CACNA2D3: variants seen among roughly 807,000 people sequenced by gnomAD.
The protein encoded by CACNA2D3 is calcium voltage-gated channel auxiliary subunit alpha2delta 3, also known as voltage-dependent calcium channel subunit alpha-2/delta-3.
A neutral mutation model predicts 160.6 loss-of-function variants in CACNA2D3; 60 were observed. The observed-to-expected ratio is 0.37, with a 90% CI of 0.30 to 0.46. CACNA2D3 has a LOEUF of 0.46. CACNA2D3 is among the 20% of genes least tolerant of loss of function. The pLI is 1.00. For missense variants in CACNA2D3, 1,205 were observed against 1,365.0 expected, an observed-to-expected ratio of 0.88 and a Z score of 1.85; for synonymous variants, 558 against 492.9, an observed-to-expected ratio of 1.13 and a Z score of -1.75.
chr3:54,922,076 C>T (rs897888346), intron 27 of CACNA2D3, among the ~76,000 whole-genome samples: 6 of 152,088 alleles, frequency 3.9e-5, no homozygotes, highest in Non-Finnish European at 8.8e-5. Context: ...TGCCTTCCTC[C>T]GAAGAAAAGC....
At chr3:55,068,910 TATA>T (rs1486250588) in intron 35 of CACNA2D3, among the ~76,000 whole-genome samples, 8 of 152,228 alleles carry the variant, frequency 5.3e-5, no homozygotes, top group Admixed American at 3.9e-4. Flanking sequence ...AGATTTCCAC[TATA>T]ATAATAACAA....
chr3:54,873,663 T>TC (rs1215151714), intron 18 of CACNA2D3, among the ~76,000 whole-genome samples: 10 of 152,308 alleles, frequency 6.6e-5, no homozygotes, highest in Admixed American at 2.6e-4. Context: ...GTTCTGTCTG[T>TC]CCAACTTCAG....
intron 14 of CACNA2D3, among the ~76,000 whole-genome samples, chr3:54,829,258 G>A (rs558792562): frequency 6.6e-5 from 10 of 152,156 alleles, no homozygotes; most frequent in Non-Finnish European, 1.2e-4. Context: ...TACTGGGGGT[G>A]TGTCTCCAGA....
chr3:54,698,469 G>A (rs1700705190), intron 11 of CACNA2D3, among the ~76,000 whole-genome samples: 1 of 152,148 alleles, frequency 6.6e-6, no homozygotes. Flanking sequence ...CTTGCCTTAG[G>A]AAAACATAAG....
chr3:54,414,850 T>G (rs1322602033), intron 4 of CACNA2D3, among the ~76,000 whole-genome samples: 4 of 151,842 alleles, frequency 2.6e-5, no homozygotes, highest in Non-Finnish European at 4.4e-5. Flanking sequence ...CTGGGGATAT[T>G]TATTTTAAAT....
chr3:54,290,584 A>G (rs923769446), intron 2 of CACNA2D3, among the ~76,000 whole-genome samples: 2 of 150,632 alleles, frequency 1.3e-5, no homozygotes, highest in Non-Finnish European at 2.9e-5. Flanking sequence ...ACTATAAATC[A>G]TGCTGCTGTA....
intron 29 of CACNA2D3, among the ~76,000 whole-genome samples, chr3:54,971,349 CAAT>C (rs1702273245): frequency 1.3e-5 from 2 of 152,148 alleles, no homozygotes; most frequent in Non-Finnish European, 2.9e-5. Context: ...CAACACAACT[CAAT>C]AGTAGTAGTG....
At chr3:54,745,077 A>G (rs1575453809) in intron 11 of CACNA2D3, among the ~76,000 whole-genome samples, 1 of 152,244 alleles carries the variant, frequency 6.6e-6, no homozygotes. Flanking sequence ...GAAGAAGTAT[A>G]TTGTATCCAT....
intron 4 of CACNA2D3, among the ~76,000 whole-genome samples, chr3:54,401,883 A>G (rs1699472873): frequency 6.6e-6 from 1 of 152,204 alleles, no homozygotes; most frequent in African/African-American, 2.4e-5. Flanking sequence ...AATCGTATAT[A>G]TCTCTAGTAT....
At chr3:54,758,318 A>G (rs1472331992) in intron 12 of CACNA2D3, among the ~76,000 whole-genome samples, 1 of 152,076 alleles carries the variant, frequency 6.6e-6, no homozygotes, top group African/African-American at 2.4e-5. Flanking sequence ...AAATGTAGTC[A>G]TAGTCACAAA....
chr3:54,985,387 A>G (rs1702592690), intron 30 of CACNA2D3, among the ~76,000 whole-genome samples: 1 of 152,252 alleles, frequency 6.6e-6, no homozygotes, highest in Non-Finnish European at 1.5e-5. Flanking sequence ...TTTCTGCATT[A>G]AAACTTTTCC....
At chr3:54,276,621 G>A (rs1223162064) in intron 2 of CACNA2D3, among the ~76,000 whole-genome samples, 2 of 151,596 alleles carry the variant, frequency 1.3e-5, no homozygotes, top group African/African-American at 2.4e-5. Flanking sequence ...CCATTAGAGA[G>A]AGTCCATGCT....
At chr3:54,129,714 A>G (rs896347647) in intron 2 of CACNA2D3, among the ~76,000 whole-genome samples, 4 of 152,248 alleles carry the variant, frequency 2.6e-5, no homozygotes, top group Non-Finnish European at 4.4e-5. Context: ...GGGTAAGGCT[A>G]TAAATGCTGT....
At chr3:54,152,145 A>G (rs574331628) in intron 2 of CACNA2D3, among the ~76,000 whole-genome samples, 67 of 152,336 alleles carry the variant, frequency 4.4e-4, no homozygotes, top group Middle Eastern at 3.4e-3. Context: ...CTCTTGGGAC[A>G]CTGAGCTCCT....
At chr3:54,880,910 C>T (rs1699781348) in intron 21 of CACNA2D3, 47 bp downstream of exon 21, 1 of 1,529,716 alleles carries the variant, frequency 6.5e-7, no homozygotes, top group Non-Finnish European at 9.1e-7. Flanking sequence ...GGGAGGAAAG[C>T]TCGGGAGCTA....
At chr3:54,996,668 A>T (rs887734808) in intron 31 of CACNA2D3, among the ~76,000 whole-genome samples, 13 of 152,180 alleles carry the variant, frequency 8.5e-5, no homozygotes, top group African/African-American at 2.2e-4. Flanking sequence ...TGAGGTTTGC[A>T]GGTGGCACCT....
At chr3:54,474,085 A>G (rs1395060198) in intron 4 of CACNA2D3, among the ~76,000 whole-genome samples, 2 of 152,220 alleles carry the variant, frequency 1.3e-5, no homozygotes, top group Admixed American at 6.5e-5. Context: ...TCTACTATAC[A>G]GACATATGCA....
intron 5 of CACNA2D3, among the ~76,000 whole-genome samples, chr3:54,544,573 T>G (rs1240034274): frequency 5.9e-5 from 9 of 152,082 alleles, no homozygotes; most frequent in Non-Finnish European, 1.3e-4. Flanking sequence ...CTAGTCTAGA[T>G]TTTTGTAGGG....
chr3:54,390,165 CT>C (rs1429481816), intron 4 of CACNA2D3, among the ~76,000 whole-genome samples: 1 of 152,148 alleles, frequency 6.6e-6, no homozygotes, highest in Non-Finnish European at 1.5e-5. Flanking sequence ...TTGGGGATTA[CT>C]TATCCTTCAG....
Sources: gnomAD v4.1 joint callset for allele counts (sites outside exome capture counted in the v4.1 genomes callset) on GRCh38, gnomAD v4.1.1 for gene constraint, MANE v1.5 for transcripts, NCBI Gene and HGNC (gene_info 2026-07-23, HGNC 2026-07-21) for gene names.